OVCH2: variants seen among roughly 807,000 people sequenced by gnomAD.
The protein encoded by OVCH2 is ovochymase-2.
Under a neutral mutation model 73.7 loss-of-function variants are expected in OVCH2, and 88 were observed. The ratio of observed to expected loss-of-function variants is 1.19; its 90% CI spans 1.01 to 1.43. The LOEUF (loss-of-function observed/expected upper bound fraction) is 1.43. Among genes scored for constraint, OVCH2 ranks in the 40% most tolerant of loss-of-function variants. The probability of loss-of-function intolerance (pLI) is 0.00; values close to 1 mark genes in which losing one functional copy is unlikely to be tolerated. For synonymous variants in OVCH2, 265 were observed against 234.5 expected, an observed-to-expected ratio of 1.13 and a Z score of -1.19; for missense variants, 706 against 674.5, an observed-to-expected ratio of 1.05 and a Z score of -0.52.
rs772663765 is a variant in OVCH2 at position 7,702,297 on chromosome 11, C to G, written c.323G>C (p.Gly108Ala). 2 of 1,600,428 alleles carry G rather than the reference C, an allele frequency of 1.2e-6. No individual in the cohort carries two copies. Among genetic ancestry groups the G allele is most frequent in the Admixed American group, 3.6e-5 (2 of 55,620 alleles). Residue 108 changes from glycine (G) to alanine (A), a missense_variant, in exon 4 of 16, where the codon GGA (glycine) becomes GCA (alanine). Gly to Ala is a moderately conservative substitution (Grantham distance 60). Coordinates refer to ENST00000533663, the MANE Select transcript of OVCH2 (RefSeq NM_198185.7). ...NIVSTLNVTA[G>A]EYDLSQTDPG... ...GTCTGTCTGGCTTAAGTCATACTCTCCAGCAGTAACATTCAAAGTAGACAC... is the reference window on the plus strand; with the variant it reads ...GTCTGTCTGGCTTAAGTCATACTCTGCAGCAGTAACATTCAAAGTAGACAC...
chr11:7,702,032 CT>C, intron 4 of OVCH2, 124 bp downstream of exon 4: 1 of 934,844 alleles, frequency 1.1e-6, no homozygotes, highest in Non-Finnish European at 1.6e-6. Flanking sequence ...TCAGGTAGGA[CT>C]CTCCAGCCTA....
chr11:7,685,243 G>A (rs1411605705), downstream of OVCH2, among the ~76,000 whole-genome samples: 1 of 152,122 alleles, frequency 6.6e-6, no homozygotes, highest in Non-Finnish European at 1.5e-5. Context: ...CACAGAATGG[G>A]AGGGAGAAAA....
At chr11:7,697,106 A>T in intron 8 of OVCH2, 1 of 350,302 alleles carries the variant, frequency 2.9e-6, no homozygotes, top group South Asian at 4.2e-5. Flanking sequence ...GCACGATCAC[A>T]GCTTACTGCA....
chr11:7,696,751 A>G lies in OVCH2; in HGVS notation c.974T>C (p.Leu325Pro), dbSNP rs1259688342. The G allele has an allele frequency of 1.2e-6, 2 of 1,613,080 alleles. No individual in the cohort carries two copies. Among genetic ancestry groups the G allele is most frequent in the Non-Finnish European group, 1.7e-6 (2 of 1,179,546 alleles). The change falls in exon 9 of 16, where the codon CTG (leucine) becomes CCG (proline). Residue 325 changes from leucine to proline, a missense_variant. By Grantham distance (98) the Leu-to-Pro change is moderately conservative. Transcript: ENST00000533663. Reference protein sequence around the residue: ...DVIVSGAEGKLHFPESLHLYY... With the variant: ...DVIVSGAEGKPHFPESLHLYY... ...TAGGTGGAGGCTTTCTGGGAAGTGCAGCTTCCCCTCAGCCCCGCTGACTAT... is the reference window on the plus strand; with the variant it reads ...TAGGTGGAGGCTTTCTGGGAAGTGCGGCTTCCCCTCAGCCCCGCTGACTAT...
intron 7 of OVCH2, 67 bp downstream of exon 7, chr11:7,700,229 T>C: frequency 6.7e-7 from 1 of 1,502,904 alleles, no homozygotes; most frequent in Non-Finnish European, 9.1e-7. Context: ...TTGCCAGGAC[T>C]CTGCTGATGC....
chr11:7,704,582 C>A lies in OVCH2; in HGVS notation c.181G>T (p.Gly61Cys). The A allele has an allele frequency of 6.2e-7, 1 of 1,610,398 alleles. No individual in the cohort carries two copies. Among genetic ancestry groups the A allele is most frequent in the African/African-American group, 1.3e-5 (1 of 74,906 alleles). ...AGACTCACCTGCCAGGGATAGGAACCCTTCTCCACTTGGCTTCCTCCAAGA... is the reference window on the plus strand; with the variant it reads ...AGACTCACCTGCCAGGGATAGGAACACTTCTCCACTTGGCTTCCTCCAAGA... Reference protein sequence around the residue: ...RILGGSQVEKGSYPWQVSLKQ... With the variant: ...RILGGSQVEKCSYPWQVSLKQ... Residue 61 changes from glycine to cysteine, a missense_variant, in exon 2 of 16, where the codon GGT becomes TGT. Physicochemically the swap from Gly to Cys is radical, Grantham distance 159. Transcript: ENST00000533663.
intron 2 of OVCH2, 22 bp from the exon 3 acceptor site, chr11:7,703,811 T>A (rs1410612943): frequency 1.3e-6 from 2 of 1,572,460 alleles, no homozygotes; most frequent in Admixed American, 3.6e-5. Context: ...ATACCTTAAA[T>A]GAAAGCAAGT....
In OVCH2 at chr11:7,691,290, C is replaced by T. The variant is rs772948510; in HGVS notation, c.1618G>A (p.Val540Ile). 1.9e-6 allele frequency: 3 copies of T among 1,613,074 alleles called. No homozygotes were observed. Among genetic ancestry groups the T allele is most frequent in the South Asian group, 2.2e-5 (2 of 90,842 alleles). Residue 540 changes from valine to isoleucine, a missense_variant, in exon 14 of 16, where the codon GTC becomes ATC. Physicochemically the swap from Val to Ile is conservative, Grantham distance 29. Coordinates refer to ENST00000533663, the MANE Select transcript of OVCH2 (RefSeq NM_198185.7). Reference protein sequence around the residue: ...NGTCRGFQATVSFIPKAVYPD... With the variant: ...NGTCRGFQATISFIPKAVYPD... ...TTACCTGCTTTAGGAATGAAGGAGACTGTAGCCTGAAAGCCCCTGCAGGTC... is the reference window on the plus strand; with the variant it reads ...TTACCTGCTTTAGGAATGAAGGAGATTGTAGCCTGAAAGCCCCTGCAGGTC...
At chr11:7,679,463 T>TG in the OVCH2 span, among the ~76,000 whole-genome samples, 3 of 152,090 alleles carry the variant, frequency 2.0e-5, no homozygotes, top group East Asian at 3.9e-4. Context: ...GTGATTGGAT[T>TG]GGGGGGCAGT....
intron 12 of OVCH2, among the ~76,000 whole-genome samples, chr11:7,694,639 G>A (rs76652834): frequency 7.9e-6 from 1 of 127,326 alleles, no homozygotes; most frequent in African/African-American, 2.8e-5. Context: ...TTTGTGTTTT[G>A]AGAGTTTCGC....
rs1020175797 is a variant in OVCH2, at chr11:7,702,250, T to A, written c.370A>T (p.Ile124Phe). ...TGTGGATGTATGATGACAGTTTCAA[T>A]AGTGAGAGTTTGCTCTCCTGGGTCT... is the stretch of plus-strand genomic sequence containing the variant. ...QTDPGEQTLTIETVIIHPHFS... is the reference protein window; with the variant it reads ...QTDPGEQTLTFETVIIHPHFS... Residue 124 changes from isoleucine (I) to phenylalanine (F), a missense_variant, in exon 4 of 16, where the codon ATT (isoleucine) becomes TTT (phenylalanine). By Grantham distance (21) the Ile-to-Phe change is conservative. Coordinates refer to ENST00000533663, the MANE Select transcript of OVCH2 (RefSeq NM_198185.7). 1 of 1,612,724 alleles carries A rather than the reference T, an allele frequency of 6.2e-7. No individual in the cohort carries two copies. Among genetic ancestry groups the A allele is most frequent in the African/African-American group, 1.3e-5 (1 of 74,890 alleles).
intron 7 of OVCH2, 79 bp downstream of exon 7, chr11:7,700,217 A>G: frequency 7.0e-7 from 1 of 1,419,338 alleles, no homozygotes; most frequent in Non-Finnish European, 9.7e-7. Flanking sequence ...AGGTGCTCTG[A>G]TTTGCCAGGA....
intron 3 of OVCH2, among the ~76,000 whole-genome samples, chr11:7,702,783 ATAAC>A (rs1464796604): frequency 1.3e-5 from 2 of 152,206 alleles, no homozygotes; most frequent in East Asian, 3.8e-4. Flanking sequence ...AGACTGCATT[ATAAC>A]TAACTAATGT....
intron 9 of OVCH2, 24 bp from the exon 10 acceptor site, chr11:7,696,613 C>T (rs1471791353): frequency 1.1e-5 from 18 of 1,613,796 alleles, no homozygotes; most frequent in East Asian, 2.2e-5. Context: ...ATGGAGAGGG[C>T]GTTATTTCTA....
rs188223260 is a variant in OVCH2 at position 7,689,788 on chromosome 11, T to A, written c.*31+136A>T. On this transcript the variant is annotated intron_variant, in intron 15 of 15. Coordinates refer to ENST00000533663, the MANE Select transcript of OVCH2 (RefSeq NM_198185.7). ...GTAACAACCCTATCTCTAAATAAGG[T>A]CACATTCTGGGGTACTGGAGGTTAG... The A allele has an allele frequency of 1.7e-3, 1,211 of 701,612 alleles. 6 individuals carry two copies. Among genetic ancestry groups the A allele is most frequent in the Admixed American group, 2.8e-3 (139 of 49,750 alleles). The allele number at this position is 701,612 out of a possible 1,614,324, so 43.5% of individuals were successfully genotyped here.
At chr11:7,698,897 T>G (rs1199490144) in intron 7 of OVCH2, 124 bp from the exon 8 acceptor site, 3 of 996,334 alleles carry the variant, frequency 3.0e-6, no homozygotes, top group Non-Finnish European at 4.5e-6. Flanking sequence ...AAAAATCTTA[T>G]CTGTGGAAAG....
intron 3 of OVCH2, among the ~76,000 whole-genome samples, chr11:7,703,043 A>C (rs1042217254): frequency 5.3e-5 from 8 of 151,492 alleles, no homozygotes; most frequent in African/African-American, 1.9e-4. Flanking sequence ...AGAAGAGTCA[A>C]CTCTCTGGGG....
chr11:7,691,679 T>C (rs1379870894), intron 13 of OVCH2, among the ~76,000 whole-genome samples: 1 of 152,184 alleles, frequency 6.6e-6, no homozygotes, highest in Non-Finnish European at 1.5e-5. Context: ...GACTCCTAGT[T>C]TCCTCATGGG....
intron 13 of OVCH2, 51 bp downstream of exon 13, chr11:7,691,851 G>T: frequency 7.1e-7 from 1 of 1,410,004 alleles, no homozygotes; most frequent in Non-Finnish European, 9.8e-7. Context: ...CCCATCTCAA[G>T]ACTGGGTCCA....
Sources: allele counts gnomAD v4.1 joint callset (sites outside exome capture counted in the v4.1 genomes callset), GRCh38; gene constraint gnomAD v4.1.1; transcripts MANE v1.5; gene names NCBI Gene and HGNC (gene_info 2026-07-23, HGNC 2026-07-21).